Variants in PMFBP1 observed in about 807,000 individuals in gnomAD.
PMFBP1 encodes the protein polyamine-modulated factor 1-binding protein 1.
Under a neutral mutation model 137.8 loss-of-function variants are expected in PMFBP1, and 131 were observed. The observed-to-expected ratio is 0.95, with a 90% confidence interval of 0.82 to 1.10. The LOEUF is 1.10. PMFBP1 is among the 50% of genes least tolerant of loss of function. The pLI is 0.00. For missense variants in PMFBP1, 1,199 were observed against 1,175.4 expected (o/e 1.02, Z -0.29); for synonymous variants, 490 against 450.4 (o/e 1.09, Z -1.11).
upstream of PMFBP1, among the ~76,000 whole-genome samples, chr16:72,172,751 C>T (rs1481378112): frequency 3.9e-5 from 6 of 151,968 alleles, no homozygotes; most frequent in Non-Finnish European, 8.8e-5. Flanking sequence ...CTGTGGTCTA[C>T]TAAGCGTGCA....
the PMFBP1 span, among the ~76,000 whole-genome samples, chr16:72,205,144 G>A: frequency 3.9e-5 from 6 of 152,202 alleles, no homozygotes; most frequent in African/African-American, 1.2e-4. Context: ...TACAGTGCAG[G>A]AGAAAGACAG....
At chr16:72,124,016 C>T (rs929112637) in intron 17 of PMFBP1, among the ~76,000 whole-genome samples, 2 of 152,090 alleles carry the variant, frequency 1.3e-5, no homozygotes, top group African/African-American at 4.8e-5. Context: ...CCTTCTTTTT[C>T]TCTCTTCTTT....
upstream of PMFBP1, chr16:72,174,132 C>T (rs971252214): frequency 1.3e-5 from 2 of 152,166 alleles, no homozygotes; most frequent in Non-Finnish European, 2.9e-5. Context: ...TGTTTTGTGC[C>T]TTCCCTCAGT....
intron 10 of PMFBP1, among the ~76,000 whole-genome samples, chr16:72,131,516 A>G (rs2042548949): frequency 2.6e-5 from 4 of 152,218 alleles, no homozygotes; most frequent in Non-Finnish European, 5.9e-5. Context: ...AGGGGAAGGC[A>G]GCTACAAAGT....
upstream of PMFBP1, among the ~76,000 whole-genome samples, chr16:72,177,861 T>C (rs2144544816): frequency 6.6e-6 from 1 of 152,304 alleles, no homozygotes; most frequent in African/African-American, 2.4e-5. Context: ...GGAAAGTTAA[T>C]TCATAGAATG....
the PMFBP1 span, among the ~76,000 whole-genome samples, chr16:72,223,871 T>C: frequency 6.6e-6 from 1 of 152,144 alleles, no homozygotes; most frequent in African/African-American, 2.4e-5. Flanking sequence ...AGAATAGAAA[T>C]TTCCTTCTTA....
chr16:72,188,618 T>G, the PMFBP1 span, among the ~76,000 whole-genome samples: 8 of 152,300 alleles, frequency 5.3e-5, no homozygotes, highest in Non-Finnish European at 1.0e-4. Context: ...AAAACTCAAC[T>G]GATGGGATAC....
upstream of PMFBP1, among the ~76,000 whole-genome samples, chr16:72,179,340 C>T: frequency 1.3e-5 from 2 of 152,108 alleles, no homozygotes; most frequent in South Asian, 2.1e-4. Context: ...CAGTAATTTC[C>T]ACAAGAGCAA....
chr16:72,146,163 A>G lies in PMFBP1; in HGVS notation c.636+4445T>C, dbSNP rs145794557. On this transcript the variant is annotated intron_variant, in intron 5 of 20. Transcript: ENST00000237353. ...AAACCGAATCCAGCAGCACATCAAA[A>G]AGCTTATCTACCATGATCAAGTCGG... Among the ~76,000 whole-genome samples the G allele has an allele frequency of 6.3e-3, 957 of 152,280 alleles. 7 individuals carry two copies. Among genetic ancestry groups the G allele is most frequent in the Non-Finnish European group, 1.0e-2 (679 of 68,020 alleles).
intron 2 of PMFBP1, 98 bp downstream of exon 2, chr16:72,171,099 G>C: frequency 5.8e-6 from 8 of 1,381,280 alleles, no homozygotes; most frequent in Non-Finnish European, 8.2e-6. Context: ...ATGATATTTT[G>C]TGATGCTTAT....
chr16:72,219,432 G>T, the PMFBP1 span, among the ~76,000 whole-genome samples: 4 of 152,182 alleles, frequency 2.6e-5, no homozygotes, highest in Non-Finnish European at 5.9e-5. Flanking sequence ...CCAGGAGCGC[G>T]TGGACAGGTA....
At chr16:72,135,376 T>G (rs12925881) in intron 9 of PMFBP1, among the ~76,000 whole-genome samples, 87,608 of 148,164 alleles carry the variant, frequency 0.59, 26,752 homozygotes, top group African/African-American at 0.71. Flanking sequence ...TTTTTTTTTT[T>G]TTGTTGTTGT....
At chr16:72,211,755 G>C in the PMFBP1 span, among the ~76,000 whole-genome samples, 1 of 152,202 alleles carries the variant, frequency 6.6e-6, no homozygotes. Context: ...AGCAATTTGG[G>C]AGGCTGAGGT....
intron 9 of PMFBP1, 118 bp from the exon 10 acceptor site, chr16:72,133,109 G>A (rs940718939): frequency 4.8e-5 from 57 of 1,187,124 alleles, no homozygotes; most frequent in Non-Finnish European, 6.0e-5. Context: ...GACATTGCAC[G>A]AACCTCCCTG....
chr16:72,228,455 A>T, the PMFBP1 span, among the ~76,000 whole-genome samples: 4 of 152,168 alleles, frequency 2.6e-5, no homozygotes, highest in African/African-American at 9.6e-5. Context: ...CACTTCACCC[A>T]GGAAGCCATC....
chr16:72,123,027 C>G (rs1041389311), intron 18 of PMFBP1, 39 bp from the exon 19 acceptor site: 1 of 1,578,040 alleles, frequency 6.3e-7, no homozygotes, highest in African/African-American at 1.3e-5. Context: ...AGCCAGTCGC[C>G]AGCCTCCCGC....
At chr16:72,132,632 T>G in intron 10 of PMFBP1, 116 bp downstream of exon 10, 4 of 1,504,940 alleles carry the variant, frequency 2.7e-6, no homozygotes, top group African/African-American at 1.4e-5. Flanking sequence ...AGGTCTGCAG[T>G]GAGACACTGG....
At chr16:72,175,503 T>C (rs2043255573), upstream of PMFBP1, among the ~76,000 whole-genome samples, 1 of 152,224 alleles carries the variant, frequency 6.6e-6, no homozygotes, top group African/African-American at 2.4e-5. Flanking sequence ...GGTATATGGT[T>C]GACTCCTGGC....
chr16:72,249,941 A>AG, the PMFBP1 span, among the ~76,000 whole-genome samples: 2 of 150,972 alleles, frequency 1.3e-5, no homozygotes, highest in African/African-American at 2.4e-5. Context: ...AAAAAAAAAA[A>AG]AAAGAAAGAA....
Sources: gnomAD v4.1 joint callset for allele counts (sites outside exome capture counted in the v4.1 genomes callset) on GRCh38, gnomAD v4.1.1 for gene constraint, MANE v1.5 for transcripts, NCBI Gene and HGNC (gene_info 2026-07-23, HGNC 2026-07-21) for gene names.